Variants in DIP2B observed in about 807,000 individuals in gnomAD.
The protein encoded by DIP2B is disco-interacting protein 2 homolog B.
Under a neutral mutation model 198.0 loss-of-function variants are expected in DIP2B, and 76 were observed. The ratio of observed to expected loss-of-function variants is 0.38; its 90% CI spans 0.32 to 0.46. The LOEUF is 0.46. Among genes scored for constraint, DIP2B ranks in the 20% least tolerant of loss-of-function variants. The pLI, the probability that DIP2B is intolerant of heterozygous loss-of-function variation, is 0.99. For missense variants in DIP2B, 1,559 were observed against 1,978.4 expected, an observed-to-expected ratio of 0.79 and a Z score of 4.02; for synonymous variants, 701 against 739.1, an observed-to-expected ratio of 0.95 and a Z score of 0.84.
chr12:50,527,539 G>A (rs1433827352), intron 1 of DIP2B, among the ~76,000 whole-genome samples: 3 of 152,156 alleles, frequency 2.0e-5, no homozygotes, highest in African/African-American at 7.2e-5. Context: ...ACTTTGGGAG[G>A]CCGAGGCGGG....
At chr12:50,535,842 TC>T (rs1958260003) in intron 1 of DIP2B, among the ~76,000 whole-genome samples, 1 of 112,638 alleles carries the variant, frequency 8.9e-6, no homozygotes, top group South Asian at 3.6e-4. Flanking sequence ...AAGCTATGCC[TC>T]CCCCCTCCCC....
intron 1 of DIP2B, among the ~76,000 whole-genome samples, chr12:50,526,626 C>CTTTT (rs11423846): frequency 0.028 from 1,784 of 64,194 alleles, 537 homozygotes; most frequent in East Asian, 0.26. Context: ...TTTCCTCTGC[C>CTTTT]TTTTTTTTTT....
chr12:50,615,868 T>C (rs796656114), intron 1 of DIP2B, among the ~76,000 whole-genome samples: 8 of 152,336 alleles, frequency 5.3e-5, no homozygotes, highest in African/African-American at 1.4e-4. Flanking sequence ...CTAGAACCCG[T>C]GCTCTTTCTA....
intron 1 of DIP2B, among the ~76,000 whole-genome samples, chr12:50,507,736 G>A (rs1231773759): frequency 4.6e-5 from 7 of 151,988 alleles, no homozygotes; most frequent in South Asian, 2.1e-4. Context: ...GGGTTTCACC[G>A]TGTTGGCCAG....
intron 1 of DIP2B, among the ~76,000 whole-genome samples, chr12:50,545,767 C>T (rs1303021762): frequency 1.3e-5 from 2 of 151,178 alleles, no homozygotes; most frequent in Non-Finnish European, 2.9e-5. Flanking sequence ...TCCCAAGTAG[C>T]TGAGATTACA....
rs1940361272 is a variant in DIP2B at position 50,747,841 on chromosome 12, G to C, written c.*3002G>C. On this transcript the variant is annotated 3_prime_UTR_variant, in exon 38 of 38. Coordinates refer to ENST00000301180, the MANE Select transcript of DIP2B (RefSeq NM_173602.3). ...AAGTAACTGAAGTAGATCAGGAAGG[G>C]GCTGCCTCAGGAAAATTCCTAGATC... The C allele has an allele frequency of 2.0e-5, 3 of 152,392 alleles. No homozygotes were observed. Among genetic ancestry groups the C allele is most frequent in the African/African-American group, 4.8e-5 (2 of 41,410 alleles). 9.4% of individuals were successfully genotyped at this position (152,392 alleles called of 1,614,324 possible). A position where few individuals can be genotyped will look rare whatever the true frequency, so the allele number is the denominator to read the frequency against.
At chr12:50,727,968 C>T (rs1005794652) in intron 29 of DIP2B, among the ~76,000 whole-genome samples, 156 bp downstream of exon 29, 4 of 152,156 alleles carry the variant, frequency 2.6e-5, no homozygotes, top group Non-Finnish European at 5.9e-5. Context: ...GGCATTGGCT[C>T]CTCTGGAATG....
At chr12:50,740,772 T>C (rs1940227434) in intron 36 of DIP2B, among the ~76,000 whole-genome samples, 1 of 152,226 alleles carries the variant, frequency 6.6e-6, no homozygotes. Context: ...TCTACAACCC[T>C]CCTTCTTATA....
rs954789701 is a variant in DIP2B, at chr12:50,544,654, G to A, written c.100+39414G>A. Among the ~76,000 whole-genome samples, 33 of 139,364 alleles carry A rather than the reference G, an allele frequency of 2.4e-4. 1 individual carries two copies. The highest frequency in any genetic ancestry group is 9.1e-4 in the Admixed American group (12 of 13,218). 91.4% of individuals were successfully genotyped at this position (139,364 alleles called of 152,430 possible). A position where few individuals can be genotyped will look rare whatever the true frequency, so the allele number is the denominator to read the frequency against. On this transcript the variant is annotated intron_variant, in intron 1 of 37. Transcript: ENST00000301180. ...TTTTTTTTTTTTTGAGACGGAGTCT[G>A]TCACCCAGGCTGGAGTGCAATGGCG...
intron 8 of DIP2B, chr12:50,679,121 GAT>G: frequency 2.1e-6 from 1 of 484,534 alleles, no homozygotes; most frequent in African/African-American, 1.9e-5. Flanking sequence ...TACATCCATA[GAT>G]GTTTTAACAT....
chr12:50,631,180 G>A (rs1417178716), intron 2 of DIP2B, among the ~76,000 whole-genome samples: 1 of 151,076 alleles, frequency 6.6e-6, no homozygotes, highest in East Asian at 1.9e-4. Flanking sequence ...GCTGGAGTGC[G>A]GTGCTGTGAT....
chr12:50,558,494 G>T (rs760726718), intron 1 of DIP2B, among the ~76,000 whole-genome samples: 5 of 152,096 alleles, frequency 3.3e-5, no homozygotes, highest in Non-Finnish European at 4.4e-5. Flanking sequence ...GAGGTGACTT[G>T]GTTTTCTTGA....
intron 1 of DIP2B, among the ~76,000 whole-genome samples, chr12:50,537,542 C>G (rs971549061): frequency 2.6e-5 from 4 of 151,936 alleles, no homozygotes; most frequent in Non-Finnish European, 5.9e-5. Context: ...GAAGACCATC[C>G]CAGTCAACAA....
intron 1 of DIP2B, among the ~76,000 whole-genome samples, chr12:50,525,357 C>CACAAAAAAAAAAAA (rs1958153730): frequency 9.4e-6 from 1 of 105,852 alleles, no homozygotes; most frequent in African/African-American, 3.5e-5. Flanking sequence ...GACTCCATCT[C>CACAAAAAAAAAAAA]AAAAAAAAAA....
At chr12:50,731,653 C>T in intron 31 of DIP2B, 116 bp downstream of exon 31, 1 of 1,280,234 alleles carries the variant, frequency 7.8e-7, no homozygotes, top group Non-Finnish European at 1.1e-6. Flanking sequence ...TTTCAAGTCA[C>T]TCAGTTAAAA....
intron 2 of DIP2B, among the ~76,000 whole-genome samples, chr12:50,630,832 C>T (rs775000102): frequency 1.1e-4 from 17 of 151,712 alleles, no homozygotes; most frequent in African/African-American, 3.1e-4. Context: ...CCACCATGCC[C>T]GGCTAATTTT....
At chr12:50,539,176 G>C (rs1958296128) in intron 1 of DIP2B, among the ~76,000 whole-genome samples, 1 of 151,666 alleles carries the variant, frequency 6.6e-6, no homozygotes, top group African/African-American at 2.4e-5. Flanking sequence ...GATGTGTCTA[G>C]GCATGTGTCT....
rs1939786047 is a variant in DIP2B, at chr12:50,719,047, T to G, written c.3042+12T>G. On this transcript the variant is annotated intron_variant, in intron 25 of 37. Coordinates refer to ENST00000301180, the MANE Select transcript of DIP2B (RefSeq NM_173602.3). ...TGTTAAATGCCAAGGTATTAAAAAT[T>G]CAATGGTATATCTAATCAGCTGACT... 6.2e-7 allele frequency: 1 copy of G among 1,613,364 alleles called. No individual in the cohort carries two copies.
At chr12:50,517,711 T>C (rs911137063) in intron 1 of DIP2B, among the ~76,000 whole-genome samples, 2 of 152,228 alleles carry the variant, frequency 1.3e-5, no homozygotes, top group South Asian at 4.1e-4. Flanking sequence ...ATTTGTTGTC[T>C]GCTCTCTAGC....
Sources: gnomAD v4.1 joint callset for allele counts (sites outside exome capture counted in the v4.1 genomes callset) on GRCh38, gnomAD v4.1.1 for gene constraint, MANE v1.5 for transcripts, NCBI Gene and HGNC (gene_info 2026-07-23, HGNC 2026-07-21) for gene names.